The following SNX8 variants were observed in gnomAD, a reference collection of about 807,000 sequenced individuals.
The protein encoded by SNX8 is sorting nexin 8.
SNX8 carries 25 observed loss-of-function variants against 51.6 expected under a neutral mutation model. The ratio of observed to expected loss-of-function variants is 0.48; its 90% CI spans 0.35 to 0.68. The LOEUF (loss-of-function observed/expected upper bound fraction) is 0.68. Among genes scored for constraint, SNX8 ranks in the 30% least tolerant of loss-of-function variants. The pLI, the probability that SNX8 is intolerant of heterozygous loss-of-function variation, is 0.00. For missense variants in SNX8, 695 were observed against 624.0 expected, an observed-to-expected ratio of 1.11 and a Z score of -1.21; for synonymous variants, 324 against 277.0, an observed-to-expected ratio of 1.17 and a Z score of -1.68.
At chr7:2,301,975 G>GCTCA (rs979483611) in intron 1 of SNX8, among the ~76,000 whole-genome samples, 3 of 152,136 alleles carry the variant, frequency 2.0e-5, no homozygotes, top group African/African-American at 7.2e-5. Context: ...AGGCGCGGTG[G>GCTCA]CTCACACCTG....
chr7:2,299,164 A>G (rs1222086076), intron 1 of SNX8, among the ~76,000 whole-genome samples: 1 of 152,002 alleles, frequency 6.6e-6, no homozygotes. Flanking sequence ...GGTTCCGTGG[A>G]TGATTACAAA....
At chr7:2,285,167 G>C (rs1344250806) in intron 1 of SNX8, among the ~76,000 whole-genome samples, 3 of 148,510 alleles carry the variant, frequency 2.0e-5, no homozygotes, top group African/African-American at 7.5e-5. Flanking sequence ...AGCCGAGATG[G>C]CGCCACTGCA....
At chr7:2,257,294 C>T in intron 9 of SNX8, 71 bp downstream of exon 9, 8 of 1,514,180 alleles carry the variant, frequency 5.3e-6, no homozygotes, top group Non-Finnish European at 5.3e-6. Flanking sequence ...CCCACCAGGA[C>T]GGCTCCGGGT....
intron 1 of SNX8, among the ~76,000 whole-genome samples, chr7:2,321,705 C>T (rs1452842926): frequency 1.4e-5 from 2 of 142,360 alleles, no homozygotes; most frequent in African/African-American, 5.3e-5. Context: ...TGAGCCACCG[C>T]GCCCGGCCTT....
intron 1 of SNX8, chr7:2,288,269 G>C (rs1261309630): frequency 6.6e-6 from 1 of 151,256 alleles, no homozygotes; most frequent in African/African-American, 2.4e-5. Flanking sequence ...ACTTGAGCCT[G>C]AGAGGCGGAG....
chr7:2,309,898 G>A, intron 1 of SNX8: 1 of 470,536 alleles, frequency 2.1e-6, no homozygotes, highest in Non-Finnish European at 4.4e-6. Context: ...GGGCAGGGGT[G>A]AAGGAGCCCC....
At position 2,269,539 on chromosome 7, in the gene SNX8, GAAAAAAA is replaced by G; in HGVS notation, c.621+13_621+19del. On this transcript the variant is annotated intron_variant, in intron 5 of 10. Coordinates refer to ENST00000222990, the MANE Select transcript of SNX8 (RefSeq NM_013321.4). ...AAAATAAATTAAAAAAAAAAAAAAAGAAAAAAAAAAGAAAAATACCTTGGCCCTGGTA... is the reference window on the plus strand; with the variant it reads ...AAAATAAATTAAAAAAAAAAAAAAAGAAAGAAAAATACCTTGGCCCTGGTA... 1.0e-6 allele frequency: 1 copy of G among 1,004,988 alleles called. No homozygotes were observed. The highest frequency in any genetic ancestry group is 1.3e-6 in the Non-Finnish European group (1 of 743,078). 62.3% of individuals were successfully genotyped at this position (1,004,988 alleles called of 1,614,324 possible).
intron 7 of SNX8, among the ~76,000 whole-genome samples, chr7:2,259,859 A>T (rs1042331320): frequency 2.0e-5 from 3 of 152,182 alleles, no homozygotes; most frequent in Non-Finnish European, 2.9e-5. Flanking sequence ...TCTGTGGTTC[A>T]GTGCTGCACA....
chr7:2,321,656 C>T (rs925047432), intron 1 of SNX8, among the ~76,000 whole-genome samples: 4 of 150,340 alleles, frequency 2.7e-5, no homozygotes, highest in South Asian at 2.1e-4. Flanking sequence ...CCTTGTGATC[C>T]GCCCTCCTCG....
chr7:2,267,457 C>A, intron 5 of SNX8, among the ~76,000 whole-genome samples: 1 of 126,964 alleles, frequency 7.9e-6, no homozygotes, highest in South Asian at 2.8e-4. Context: ...CGAATGCCTG[C>A]GATTGCAGGC....
At chr7:2,353,674 C>G (rs188138180) in intron 1 of SNX8, among the ~76,000 whole-genome samples, 1 of 152,130 alleles carries the variant, frequency 6.6e-6, no homozygotes, top group Non-Finnish European at 1.5e-5. Flanking sequence ...CCAAAACGTT[C>G]TCATCCTCCC....
At chr7:2,329,968 G>C (rs1778699733) in intron 1 of SNX8, among the ~76,000 whole-genome samples, 1 of 102,874 alleles carries the variant, frequency 9.7e-6, no homozygotes, top group Non-Finnish European at 1.9e-5. Flanking sequence ...CCATGTAGCT[G>C]AGATTACAGG....
Position 2,278,217 on chromosome 7 carries a change from C to T in SNX8, c.183G>A (p.Pro61=), listed in dbSNP as rs376854930. Residue 61 remains proline (P), a synonymous_variant, in exon 2 of 11, where the codon CCG becomes CCA. Transcript: ENST00000222990. ...CCTGCAGGGTGTGGGACAGCAGCAG[C>T]GGGTTCCCCTGCGGCATCTGCATTC... is the stretch of plus-strand genomic sequence containing the variant. ...PSRMQMPQGN[P]LLLSHTLQEL... 1.4e-5 allele frequency: 23 copies of T among 1,612,836 alleles called. No individual in the cohort carries two copies. The African/African-American group carries it at 1.7e-4, about 12-fold the overall frequency.
At chr7:2,289,580 C>T (rs1796106478) in intron 1 of SNX8, among the ~76,000 whole-genome samples, 1 of 152,112 alleles carries the variant, frequency 6.6e-6, no homozygotes, top group Non-Finnish European at 1.5e-5. Flanking sequence ...ACCACCGTTC[C>T]ATATTCCCAA....
intron 1 of SNX8, among the ~76,000 whole-genome samples, chr7:2,334,869 GAAAAAAAAA>G (rs71023399): frequency 0.032 from 2,597 of 80,010 alleles, 97 homozygotes; most frequent in East Asian, 0.11. Context: ...GCCCATCTCT[GAAAAAAAAA>G]AAAAAAAAAA....
intron 1 of SNX8, among the ~76,000 whole-genome samples, chr7:2,300,819 T>G (rs1796373830): frequency 6.6e-6 from 1 of 152,096 alleles, no homozygotes; most frequent in Non-Finnish European, 1.5e-5. Flanking sequence ...ATTTTTGTAT[T>G]TTTAGTAGAG....
At chr7:2,314,195 C>T in intron 1 of SNX8, 133 bp downstream of exon 1, 2 of 954,512 alleles carry the variant, frequency 2.1e-6, no homozygotes, top group African/African-American at 1.7e-5. Context: ...GGGACTGGGG[C>T]GTGGGGCCGA....
intron 5 of SNX8, among the ~76,000 whole-genome samples, chr7:2,269,321 TCG>T (rs1218350073): frequency 2.7e-5 from 4 of 150,768 alleles, no homozygotes; most frequent in Non-Finnish European, 4.4e-5. Flanking sequence ...GGCAGCATGC[TCG>T]TTAAGAGTCA....
At chr7:2,256,836 C>T in intron 10 of SNX8, 38 bp downstream of exon 10, 2 of 1,587,054 alleles carry the variant, frequency 1.3e-6, no homozygotes, top group Non-Finnish European at 1.7e-6. Flanking sequence ...CAAAGAAAGG[C>T]CGTGGCCGAG....
Sources: allele counts gnomAD v4.1 joint callset (sites outside exome capture counted in the v4.1 genomes callset), GRCh38; gene constraint gnomAD v4.1.1; transcripts MANE v1.5; gene names NCBI Gene and HGNC (gene_info 2026-07-23, HGNC 2026-07-21).